The following TRMT9B variants were observed in gnomAD, a reference collection of about 807,000 sequenced individuals.
TRMT9B encodes the protein probable tRNA methyltransferase 9B.
In TRMT9B, 16 loss-of-function variants were observed where a neutral mutation model predicts 11.5. The ratio of observed to expected loss-of-function variants is 1.39; its 90% CI spans 0.94 to 2.11. The LOEUF (loss-of-function observed/expected upper bound fraction) is 2.11. TRMT9B is among the 30% of genes most tolerant of loss of function. The pLI, the probability that TRMT9B is intolerant of heterozygous loss-of-function variation, is 0.00. For synonymous variants in TRMT9B, 274 were observed against 192.4 expected (o/e 1.42, Z -3.51); for missense variants, 941 against 553.8 (o/e 1.70, Z -7.02).
chr8:13,012,025 T>C, intron 3 of TRMT9B: 4 of 985,366 alleles, frequency 4.1e-6, no homozygotes, highest in South Asian at 9.4e-5. Flanking sequence ...GAAATATGAA[T>C]GTGAGCTTAG....
intron 2 of TRMT9B, among the ~76,000 whole-genome samples, chr8:12,993,814 A>G (rs998592642): frequency 6.6e-6 from 1 of 152,218 alleles, no homozygotes; most frequent in African/African-American, 2.4e-5. Flanking sequence ...GAAGCATTCA[A>G]GTTTGTAATA....
chr8:13,028,087 C>G lies in TRMT9B; in HGVS notation c.*6043C>G, dbSNP rs1814910686. ...AAGAGAAGATTCTAGCTGAATTGTT[C>G]TATTTTTAATTCCCCAGGGATCCTA... On this transcript the variant is annotated 3_prime_UTR_variant, in exon 5 of 5. Transcript: ENST00000524591. 6.0e-6 allele frequency: 1 copy of G among 167,076 alleles called. No homozygotes were observed. 10.3% of individuals were successfully genotyped at this position (167,076 alleles called of 1,614,324 possible).
At chr8:12,948,515 GA>G (rs1800376065) in intron 1 of TRMT9B, among the ~76,000 whole-genome samples, 1 of 146,924 alleles carries the variant, frequency 6.8e-6, no homozygotes, top group Non-Finnish European at 1.5e-5. Flanking sequence ...TAATACATGT[GA>G]ATATATATTC....
chr8:13,004,647 C>T (rs113851547), intron 2 of TRMT9B, among the ~76,000 whole-genome samples: 1 of 151,936 alleles, frequency 6.6e-6, no homozygotes. Flanking sequence ...CCCTTTGGCC[C>T]TGAATAACCA....
At chr8:13,003,692 T>C (rs976640972) in intron 2 of TRMT9B, among the ~76,000 whole-genome samples, 4 of 151,554 alleles carry the variant, frequency 2.6e-5, no homozygotes, top group Admixed American at 6.6e-5. Flanking sequence ...AAAATGCCTC[T>C]GAAGAAGTTG....
rs766985108 is a variant in TRMT9B at position 13,012,748 on chromosome 8, T to G, written c.219T>G (p.Cys73Trp). The change falls in exon 4 of 5, where the codon TGT becomes TGG. Residue 73 changes from cysteine to tryptophan, a missense_variant. Cys to Trp is a radical substitution (Grantham distance 215). Transcript: ENST00000524591. ...SQVHTVGCDY[C>W]GPLVEIARNR... ...TACATACCGTGGGCTGTGACTACTG[T>G]GGGCCACTGGTAGAGATTGCCCGGA... 1 of 1,614,042 alleles carries G rather than the reference T, an allele frequency of 6.2e-7. No homozygotes were observed. Among genetic ancestry groups the G allele is most frequent in the Admixed American group, 1.7e-5 (1 of 60,028 alleles).
chr8:13,003,648 G>A (rs1406038746), intron 2 of TRMT9B, among the ~76,000 whole-genome samples: 6 of 151,436 alleles, frequency 4.0e-5, no homozygotes, highest in Non-Finnish European at 8.8e-5. Context: ...TTATGTGCCC[G>A]CCTAAGCCAG....
intron 1 of TRMT9B, among the ~76,000 whole-genome samples, chr8:12,973,299 A>G (rs2946491): frequency 0.4 from 60,735 of 151,714 alleles, 12,720 homozygotes; most frequent in East Asian, 0.6. Flanking sequence ...TTCCCTTGCC[A>G]GCACATGCAC....
intron 2 of TRMT9B, among the ~76,000 whole-genome samples, chr8:13,001,038 A>G (rs775585625): frequency 3.9e-5 from 6 of 152,088 alleles, no homozygotes; most frequent in Non-Finnish European, 7.4e-5. Context: ...GACTTCCCCA[A>G]TCTTTCTGCC....
Position 13,021,980 on chromosome 8 carries a change from T to C in TRMT9B, c.1301T>C (p.Leu434Pro), listed in dbSNP as rs1361596835. Residue 434 changes from leucine to proline, a missense_variant, in exon 5 of 5, where the codon CTG becomes CCG. Coordinates refer to ENST00000524591, the MANE Select transcript of TRMT9B (RefSeq NM_020844.3). ...LKENVSELRILSSGNDHGNWC... is the reference protein window; with the variant it reads ...LKENVSELRIPSSGNDHGNWC... ...GAGAATGTGTCAGAGCTCCGTATCC[T>C]GAGTTCTGGGAATGATCATGGTAAC... The C allele has an allele frequency of 1.2e-6, 2 of 1,612,952 alleles. No individual in the cohort carries two copies. Among genetic ancestry groups the C allele is most frequent in the South Asian group, 1.1e-5 (1 of 90,814 alleles).
rs1341898441 is a variant in TRMT9B, at chr8:13,021,619, G to A, written c.940G>A (p.Glu314Lys). 3 of 1,613,862 alleles carry A rather than the reference G, an allele frequency of 1.9e-6. No homozygotes were observed. The highest frequency in any genetic ancestry group is 1.1e-5 in the South Asian group (1 of 91,050). ...AAGTTTAGATGAGGAAGTGTTTGTG[G>A]AATCTTCTTCTGGAAAACACTTGGA... is the stretch of plus-strand genomic sequence containing the variant. ...GQSLDEEVFV[E>K]SSSGKHLEWL... The change falls in exon 5 of 5, where the codon GAA (glutamate) becomes AAA (lysine). Residue 314 changes from glutamate (E) to lysine (K), a missense_variant. Transcript: ENST00000524591.
intron 2 of TRMT9B, among the ~76,000 whole-genome samples, chr8:13,005,320 G>C (rs569512972): frequency 6.6e-6 from 1 of 152,240 alleles, no homozygotes; most frequent in African/African-American, 2.4e-5. Flanking sequence ...GAGGGAAGTG[G>C]AGATTGTTAA....
chr8:13,014,903 A>G (rs1277334313), intron 4 of TRMT9B, among the ~76,000 whole-genome samples: 3 of 152,006 alleles, frequency 2.0e-5, no homozygotes, highest in African/African-American at 7.2e-5. Context: ...TCTACTAAAA[A>G]TGCAAAAATT....
chr8:12,963,292 G>C (rs1024179192), intron 1 of TRMT9B, among the ~76,000 whole-genome samples: 1 of 152,086 alleles, frequency 6.6e-6, no homozygotes, highest in African/African-American at 2.4e-5. Flanking sequence ...AATTAGCCTG[G>C]TGTGGTGGCA....
At chr8:12,991,119 C>T in intron 2 of TRMT9B, 88 bp downstream of exon 2, 1 of 529,416 alleles carries the variant, frequency 1.9e-6, no homozygotes, top group South Asian at 3.9e-5. Context: ...TCTTCCCAAT[C>T]CCTATAATTT....
In TRMT9B at chr8:13,021,482, T is replaced by A. The variant is rs61731896; in HGVS notation, c.803T>A (p.Val268Glu). 1.2e-6 allele frequency: 2 copies of A among 1,613,592 alleles called. No individual in the cohort carries two copies. The highest frequency in any genetic ancestry group is 1.3e-5 in the African/African-American group (1 of 74,846). ...ESTLRKQIERVRPLKNTEVWA... is the reference protein window; with the variant it reads ...ESTLRKQIERERPLKNTEVWA... Reference sequence around the variant, plus strand: ...ACTCTGAGGAAGCAAATTGAAAGAGTAAGACCCTTGAAAAACACAGAAGTT... The same window carrying A: ...ACTCTGAGGAAGCAAATTGAAAGAGAAAGACCCTTGAAAAACACAGAAGTT... Residue 268 changes from valine to glutamate, a missense_variant, in exon 5 of 5, where the codon GTA becomes GAA. Transcript: ENST00000524591.
intron 1 of TRMT9B, among the ~76,000 whole-genome samples, chr8:12,988,426 A>G (rs772564333): frequency 6.6e-6 from 1 of 152,230 alleles, no homozygotes; most frequent in African/African-American, 2.4e-5. Context: ...GTATTAGTCC[A>G]TTCTCAGGCT....
chr8:12,974,009 ATTT>A (rs570551082), intron 1 of TRMT9B, among the ~76,000 whole-genome samples: 65 of 151,924 alleles, frequency 4.3e-4, no homozygotes, highest in East Asian at 9.7e-4. Flanking sequence ...ATATATTAAA[ATTT>A]TTTTTTTAAA....
At chr8:12,956,811 A>G (rs931676162) in intron 1 of TRMT9B, among the ~76,000 whole-genome samples, 1 of 152,180 alleles carries the variant, frequency 6.6e-6, no homozygotes, top group African/African-American at 2.4e-5. Flanking sequence ...CACTTTAATT[A>G]CTTATTTCAT....
Sources: gnomAD v4.1 joint callset for allele counts (sites outside exome capture counted in the v4.1 genomes callset) on GRCh38, gnomAD v4.1.1 for gene constraint, MANE v1.5 for transcripts, NCBI Gene and HGNC (gene_info 2026-07-23, HGNC 2026-07-21) for gene names.